Variants in FBXL7 observed in about 807,000 individuals in gnomAD.
FBXL7 encodes the protein F-box/LRR-repeat protein 7.
FBXL7 carries 12 observed loss-of-function variants against 38.3 expected under a neutral mutation model. That is an observed-to-expected ratio of 0.31 (90% confidence interval 0.20 to 0.51). The LOEUF (loss-of-function observed/expected upper bound fraction) is 0.51, where lower values mean the gene tolerates loss of function less well. Among genes scored for constraint, FBXL7 ranks in the 20% least tolerant of loss-of-function variants. The pLI is 0.98. For missense variants in FBXL7, 567 were observed against 676.4 expected (o/e 0.84, Z 1.79); for synonymous variants, 297 against 300.9 (o/e 0.99, Z 0.13).
intron 2 of FBXL7, among the ~76,000 whole-genome samples, chr5:15,789,051 G>A (rs557972531): frequency 2.0e-5 from 3 of 151,728 alleles, no homozygotes; most frequent in African/African-American, 7.3e-5. Flanking sequence ...GGGATTTCAC[G>A]GTGTTGGCCA....
At chr5:15,792,167 C>T (rs1737293684) in intron 2 of FBXL7, among the ~76,000 whole-genome samples, 1 of 152,118 alleles carries the variant, frequency 6.6e-6, no homozygotes, top group Non-Finnish European at 1.5e-5. Flanking sequence ...TATAATGCAC[C>T]TGACATCGTA....
chr5:15,761,391 C>T (rs1480761972), intron 2 of FBXL7, among the ~76,000 whole-genome samples: 1 of 152,098 alleles, frequency 6.6e-6, no homozygotes, highest in Admixed American at 6.6e-5. Flanking sequence ...GTCTGGGCTT[C>T]CCAATTCTTT....
intron 1 of FBXL7, among the ~76,000 whole-genome samples, chr5:15,570,020 A>G (rs1037964240): frequency 4.5e-4 from 68 of 152,310 alleles, no homozygotes; most frequent in Admixed American, 1.4e-3. Flanking sequence ...TTTTGCATCA[A>G]TGTTCATCAG....
At position 15,869,111 on chromosome 5, in the gene FBXL7, C is replaced by T. The variant is rs73062163; in HGVS notation, c.128-58779C>T. Among the ~76,000 whole-genome samples the T allele has an allele frequency of 5.1e-3, 770 of 152,240 alleles. 10 individuals are homozygous for T. The highest frequency in any genetic ancestry group is 0.018 in the African/African-American group (729 of 41,538). ...TGGGGGTGAACTCAGTTCCATGCCA[C>T]ATAAGCTTCTCATTAAAATGGACAA... On this transcript the variant is annotated intron_variant, in intron 2 of 3. Transcript: ENST00000504595.
chr5:15,519,545 C>G (rs1200818866), intron 1 of FBXL7, among the ~76,000 whole-genome samples: 2 of 151,952 alleles, frequency 1.3e-5, no homozygotes, highest in Non-Finnish European at 2.9e-5. Context: ...CACAGGAGAG[C>G]AAAGTTATGC....
At chr5:15,726,461 G>A (rs933908872) in intron 2 of FBXL7, among the ~76,000 whole-genome samples, 4 of 151,998 alleles carry the variant, frequency 2.6e-5, no homozygotes, top group Non-Finnish European at 5.9e-5. Flanking sequence ...TTGGGAGGCT[G>A]CGGCAGGCAG....
At chr5:15,674,722 C>G (rs575578083) in intron 2 of FBXL7, among the ~76,000 whole-genome samples, 2 of 152,326 alleles carry the variant, frequency 1.3e-5, no homozygotes, top group South Asian at 2.1e-4. Context: ...TTAGCCCAAT[C>G]TCTCCTAATC....
intron 2 of FBXL7, among the ~76,000 whole-genome samples, chr5:15,877,640 T>C (rs986419460): frequency 5.3e-5 from 8 of 152,188 alleles, no homozygotes; most frequent in African/African-American, 1.9e-4. Context: ...GATTCTGTAA[T>C]AGAGGAAATT....
chr5:15,627,328 C>G (rs898558806), intron 2 of FBXL7, among the ~76,000 whole-genome samples: 1 of 152,192 alleles, frequency 6.6e-6, no homozygotes, highest in South Asian at 2.1e-4. Flanking sequence ...AATCAGGACA[C>G]CCTCATGGAA....
intron 2 of FBXL7, among the ~76,000 whole-genome samples, chr5:15,890,877 C>T (rs1740873049): frequency 1.3e-5 from 2 of 151,984 alleles, no homozygotes; most frequent in Non-Finnish European, 2.9e-5. Flanking sequence ...TAACTAATTT[C>T]TGATCATAAA....
Position 15,842,880 on chromosome 5 carries a change from C to T in FBXL7, c.128-85010C>T, listed in dbSNP as rs1437366651. Reference sequence around the variant, plus strand: ...CTCCTTTCTTTATAAATTTAAATTACCCAGTCTTGATTATGTCTTTTTTAG... The same window carrying T: ...CTCCTTTCTTTATAAATTTAAATTATCCAGTCTTGATTATGTCTTTTTTAG... On this transcript the variant is annotated intron_variant, in intron 2 of 3. Transcript: ENST00000504595. 4.6e-5 allele frequency among the ~76,000 whole-genome samples: 7 copies of T among 152,242 alleles called. No individual in the cohort carries two copies. The East Asian group carries it at 1.2e-3, about 25-fold the overall frequency.
At chr5:15,866,925 T>C (rs1044310166) in intron 2 of FBXL7, among the ~76,000 whole-genome samples, 1 of 152,094 alleles carries the variant, frequency 6.6e-6, no homozygotes, top group Non-Finnish European at 1.5e-5. Context: ...CCATCACTTA[T>C]ATGGAATGGG....
At chr5:15,599,914 C>T (rs1045946550) in intron 1 of FBXL7, among the ~76,000 whole-genome samples, 1 of 151,606 alleles carries the variant, frequency 6.6e-6, no homozygotes, top group Admixed American at 6.6e-5. Context: ...ATAGCCTCTG[C>T]TTAGAAGCCA....
chr5:15,823,164 C>T (rs899948173), intron 2 of FBXL7, among the ~76,000 whole-genome samples: 10 of 152,220 alleles, frequency 6.6e-5, no homozygotes, highest in African/African-American at 2.4e-4. Context: ...TATTTTTCTG[C>T]ATATAAATGT....
At chr5:15,878,121 C>T (rs1740286270) in intron 2 of FBXL7, among the ~76,000 whole-genome samples, 1 of 152,172 alleles carries the variant, frequency 6.6e-6, no homozygotes, top group Non-Finnish European at 1.5e-5. Flanking sequence ...CTATGTAAAT[C>T]CTTCAGTTGT....
chr5:15,549,238 A>G (rs1014738188), intron 1 of FBXL7, among the ~76,000 whole-genome samples: 4 of 152,240 alleles, frequency 2.6e-5, no homozygotes, highest in African/African-American at 9.6e-5. Flanking sequence ...AATAATTCCC[A>G]TCACAAAGTA....
At chr5:15,687,471 C>G (rs1224235225) in intron 2 of FBXL7, among the ~76,000 whole-genome samples, 2 of 152,190 alleles carry the variant, frequency 1.3e-5, no homozygotes, top group African/African-American at 4.8e-5. Flanking sequence ...TCACTGTTCC[C>G]AATGAGTGCT....
At chr5:15,755,628 C>T (rs1043528484) in intron 2 of FBXL7, among the ~76,000 whole-genome samples, 6 of 152,130 alleles carry the variant, frequency 3.9e-5, no homozygotes, top group East Asian at 1.9e-4. Context: ...GTAATTTAAC[C>T]GAAAACAGTT....
chr5:15,598,524 C>T (rs998823512), intron 1 of FBXL7, among the ~76,000 whole-genome samples: 3 of 152,132 alleles, frequency 2.0e-5, no homozygotes, highest in Admixed American at 6.5e-5. Context: ...GTTCACATAA[C>T]TGAGAAAGAA....
Sources: allele counts gnomAD v4.1 joint callset (sites outside exome capture counted in the v4.1 genomes callset), GRCh38; gene constraint gnomAD v4.1.1; transcripts MANE v1.5; gene names NCBI Gene and HGNC (gene_info 2026-07-23, HGNC 2026-07-21).